PPP2R2A: variants seen among roughly 807,000 people sequenced by gnomAD.
PPP2R2A encodes protein phosphatase 2 regulatory subunit Balpha.
Under a neutral mutation model 53.2 loss-of-function variants are expected in PPP2R2A, and 9 were observed. The ratio of observed to expected loss-of-function variants is 0.17; its 90% CI spans 0.10 to 0.30. The LOEUF (loss-of-function observed/expected upper bound fraction) is 0.30, where lower values mean the gene tolerates loss of function less well. Among genes scored for constraint, PPP2R2A ranks in the 10% least tolerant of loss-of-function variants. The pLI is 1.00. For missense variants in PPP2R2A, 235 were observed against 534.6 expected (o/e 0.44, Z 5.53); for synonymous variants, 169 against 174.2 (o/e 0.97, Z 0.23).
chr8:26,327,399 T>C (rs117628010), intron 2 of PPP2R2A, among the ~76,000 whole-genome samples: 5,105 of 152,212 alleles, frequency 0.034, 104 homozygotes, highest in Middle Eastern at 0.068. Flanking sequence ...GAGGAAGGAA[T>C]GGTTGGAACC....
rs1355539324 is a variant in PPP2R2A, at chr8:26,362,781, C to T, written c.735C>T (p.Ser245=). 1.2e-6 allele frequency: 2 copies of T among 1,613,938 alleles called. No individual in the cohort carries two copies. Among genetic ancestry groups the T allele is most frequent in the African/African-American group, 1.3e-5 (1 of 75,038 alleles). ...HPNSCNTFVY[S]SSKGTIRLCD... ...ACAGCTGTAACACATTTGTATACAG[C>T]AGCAGTAAAGGAACTATTCGGCTAT... Residue 245 remains serine, a synonymous_variant, in exon 7 of 10, where the codon AGC becomes AGT. Coordinates refer to ENST00000380737, the MANE Select transcript of PPP2R2A (RefSeq NM_002717.4). The surrounding 1 kb of genome is among the most constrained non-coding windows in gnomAD (Gnocchi z 4.4).
intron 2 of PPP2R2A, among the ~76,000 whole-genome samples, chr8:26,327,693 T>G (rs1803164370): frequency 6.6e-6 from 1 of 152,204 alleles, no homozygotes; most frequent in South Asian, 2.1e-4. Context: ...GAAACTATCA[T>G]TTTATAGATG....
intron 2 of PPP2R2A, among the ~76,000 whole-genome samples, chr8:26,296,387 C>T (rs886353864): frequency 6.6e-6 from 1 of 152,164 alleles, no homozygotes; most frequent in Admixed American, 6.5e-5. Context: ...TCTTAAAAGG[C>T]GTTCTATGCT....
intron 4 of PPP2R2A, among the ~76,000 whole-genome samples, chr8:26,355,327 A>T (rs928669147): frequency 6.6e-6 from 1 of 152,174 alleles, no homozygotes; most frequent in African/African-American, 2.4e-5. Flanking sequence ...GTGTAATCAC[A>T]GCTCACTGCA....
At chr8:26,316,144 A>G (rs1159603019) in intron 2 of PPP2R2A, among the ~76,000 whole-genome samples, 2 of 152,108 alleles carry the variant, frequency 1.3e-5, no homozygotes, top group Non-Finnish European at 2.9e-5. Context: ...AGCTGGGACT[A>G]CAGACACCTG....
chr8:26,300,311 T>G (rs1010930122), intron 2 of PPP2R2A, among the ~76,000 whole-genome samples: 5 of 152,202 alleles, frequency 3.3e-5, no homozygotes, highest in African/African-American at 1.2e-4. Context: ...AAAAATGTAT[T>G]AAATCAGTGA....
intron 2 of PPP2R2A, among the ~76,000 whole-genome samples, chr8:26,297,428 T>C (rs1182971284): frequency 1.3e-5 from 2 of 152,224 alleles, no homozygotes; most frequent in African/African-American, 4.8e-5. Context: ...TGGTAATTAA[T>C]ACTACTGGTA....
rs1196853994 is a variant in PPP2R2A, at chr8:26,371,354, AGTT to A, written c.*942_*944del. On this transcript the variant is annotated 3_prime_UTR_variant, in exon 10 of 10. Coordinates refer to ENST00000380737, the MANE Select transcript of PPP2R2A (RefSeq NM_002717.4). The stretch of plus-strand genomic sequence containing the variant: ...GATTTCACAATCTATAAATGCTACT[AGTT>A]TTTTTTTTTTTTTTTACCATCATGA... The A allele has an allele frequency of 1.8e-5, 2 of 113,824 alleles. No individual in the cohort carries two copies. Among genetic ancestry groups the A allele is most frequent in the East Asian group, 2.8e-4 (1 of 3,530 alleles). 7.1% of individuals were successfully genotyped at this position (113,824 alleles called of 1,614,324 possible).
rs1004751426 is a variant in PPP2R2A at position 26,338,495 on chromosome 8, C to T, written c.83-395C>T. ...CCCTCTCCTTATTAGTAATATGTGC[C>T]TTTATTATAGATGATTATTTGCATT... On this transcript the variant is annotated intron_variant, in intron 2 of 9. Transcript: ENST00000380737. This position sits in a 1 kb window ranked among gnomAD's most constrained non-coding sequence, Gnocchi z 4.5. Among the ~76,000 whole-genome samples the T allele has an allele frequency of 4.5e-4, 68 of 151,916 alleles. No homozygotes were observed. The highest frequency in any genetic ancestry group is 1.6e-3 in the African/African-American group (65 of 41,334).
In PPP2R2A at chr8:26,360,922, A is replaced by G. The variant is rs1270604853; in HGVS notation, c.460-52A>G. On this transcript the variant is annotated intron_variant, in intron 5 of 9. Transcript: ENST00000380737. This position sits in a 1 kb window ranked among gnomAD's most constrained non-coding sequence, Gnocchi z 4.5. ...TGAAGTTTTCTGAATCTTAATTGCTATTTGAAACTGAGCCTTTTGTAATTT... is the reference window on the plus strand; with the variant it reads ...TGAAGTTTTCTGAATCTTAATTGCTGTTTGAAACTGAGCCTTTTGTAATTT... 2 of 1,507,514 alleles carry G rather than the reference A, an allele frequency of 1.3e-6. No individual in the cohort carries two copies. The highest frequency in any genetic ancestry group is 4.7e-5 in the East Asian group (2 of 42,308). 93.4% of individuals were successfully genotyped at this position (1,507,514 alleles called of 1,614,324 possible). A position where few individuals can be genotyped will look rare whatever the true frequency, so the allele number is the denominator to read the frequency against.
intron 8 of PPP2R2A, among the ~76,000 whole-genome samples, chr8:26,364,599 T>C (rs1805273317): frequency 6.6e-6 from 1 of 152,270 alleles, no homozygotes; most frequent in South Asian, 2.1e-4. Flanking sequence ...CTTTATGTTA[T>C]ATATTCTCAA....
chr8:26,365,331 T>C (rs977430098), intron 8 of PPP2R2A: 10 of 152,254 alleles, frequency 6.6e-5, no homozygotes, highest in African/African-American at 2.2e-4. Context: ...ATGCTCACTT[T>C]TGATCCTAAC....
intron 2 of PPP2R2A, among the ~76,000 whole-genome samples, chr8:26,322,085 C>T (rs1043397265): frequency 6.6e-6 from 1 of 152,126 alleles, no homozygotes; most frequent in African/African-American, 2.4e-5. Flanking sequence ...ATGAAATAGA[C>T]TTAGTGCAGG....
chr8:26,342,284 T>C (rs1173724328), intron 3 of PPP2R2A, among the ~76,000 whole-genome samples: 1 of 152,194 alleles, frequency 6.6e-6, no homozygotes, highest in East Asian at 1.9e-4. Context: ...CATGACCCGA[T>C]ATAAGTGACC....
At chr8:26,358,727 T>G (rs1309875620) in intron 4 of PPP2R2A, among the ~76,000 whole-genome samples, 1 of 152,174 alleles carries the variant, frequency 6.6e-6, no homozygotes, top group Non-Finnish European at 1.5e-5. Context: ...TGCTTTTCTA[T>G]AAGAAAAACT....
intron 3 of PPP2R2A, among the ~76,000 whole-genome samples, chr8:26,340,516 T>A (rs10503784): frequency 0.08 from 12,196 of 152,122 alleles, 656 homozygotes; most frequent in Non-Finnish European, 0.11. Flanking sequence ...CTCGTAAAAA[T>A]TGATTTTGCC....
At chr8:26,300,102 TAA>T (rs1366448279) in intron 2 of PPP2R2A, among the ~76,000 whole-genome samples, 2 of 152,248 alleles carry the variant, frequency 1.3e-5, no homozygotes, top group African/African-American at 4.8e-5. Context: ...TTTAAAATAC[TAA>T]GTTTTTTCAC....
At position 26,370,155 on chromosome 8, in the gene PPP2R2A, C is replaced by A; in HGVS notation, c.1086C>A (p.Tyr362Ter). 2 of 1,613,914 alleles carry A rather than the reference C, an allele frequency of 1.2e-6. No homozygotes were observed. The highest frequency in any genetic ancestry group is 2.2e-5 in the East Asian group (1 of 44,866). ...ACAGTGTTGTCATGACTGGATCTTA[C>A]AATAATTTCTTCAGAATGTTTGACA... ...GSDSVVMTGS[Y>*]NNFFRMFDRN... is the part of the protein sequence containing the mutation. The change falls in exon 10 of 10, where the codon TAC (tyrosine) becomes TAA (stop). Residue 362 changes from tyrosine to a stop codon, truncating the protein, a stop_gained. Coordinates refer to ENST00000380737, the MANE Select transcript of PPP2R2A (RefSeq NM_002717.4). LOFTEE classifies it high-confidence loss of function. This position sits in a 1 kb window ranked among gnomAD's most constrained non-coding sequence, Gnocchi z 6.1.
chr8:26,363,384 T>C (rs1192353354), intron 7 of PPP2R2A: 2 of 192,532 alleles, frequency 1.0e-5, no homozygotes, highest in Non-Finnish European at 1.0e-5. Flanking sequence ...ATGGTGTGTT[T>C]CTCATGGTGA....
Sources: allele counts gnomAD v4.1 joint callset (sites outside exome capture counted in the v4.1 genomes callset), GRCh38; gene constraint gnomAD v4.1.1; non-coding constraint Gnocchi (gnomAD v3.1); transcripts MANE v1.5; gene names NCBI Gene and HGNC (gene_info 2026-07-23, HGNC 2026-07-21).